The following ARHGEF10L variants were observed in gnomAD, a reference collection of about 807,000 sequenced individuals.
The protein encoded by ARHGEF10L is Rho guanine nucleotide exchange factor 10 like.
A neutral mutation model predicts 141.2 loss-of-function variants in ARHGEF10L; 69 were observed. The observed-to-expected ratio is 0.49, with a 90% CI of 0.40 to 0.60. ARHGEF10L has a LOEUF of 0.60. Among genes scored for constraint, ARHGEF10L ranks in the 20% least tolerant of loss-of-function variants. The pLI is 0.00. For missense variants in ARHGEF10L, 1,482 were observed against 1,734.3 expected (o/e 0.85, Z 2.58); for synonymous variants, 711 against 718.5 (o/e 0.99, Z 0.17).
At chr1:17,520,213 G>A in the ARHGEF10L span, among the ~76,000 whole-genome samples, 1 of 152,136 alleles carries the variant, frequency 6.6e-6, no homozygotes, top group Non-Finnish European at 1.5e-5. Context: ...GCTTTTCCTC[G>A]TGGACTGCCA....
chr1:17,539,688 GGGCGGCGCCGCGTCGCGCACGGCGGC>G (rs2076642662), exon 1 of ARHGEF10L: 1 of 146,908 alleles, frequency 6.8e-6, no homozygotes, highest in South Asian at 2.0e-4. This position sits in a 1 kb window ranked among gnomAD's most constrained non-coding sequence, Gnocchi z 6.0. Context: ...GGGCGGGCGG[GGGCGGCGCCGCGTCGCGCACGGCGGC>G]GGCGGCGGGA....
chr1:17,656,159 G>T lies in ARHGEF10L; in HGVS notation c.2705+57G>T. 1 of 1,521,104 alleles carries T rather than the reference G, an allele frequency of 6.6e-7. No homozygotes were observed. The highest frequency in any genetic ancestry group is 8.9e-7 in the Non-Finnish European group (1 of 1,125,056). 94.2% of individuals were successfully genotyped at this position (1,521,104 alleles called of 1,614,324 possible). On this transcript the variant is annotated intron_variant, in intron 24 of 28. Coordinates refer to ENST00000361221, the MANE Select transcript of ARHGEF10L (RefSeq NM_018125.4). The surrounding 1 kb of genome is among the most constrained non-coding windows in gnomAD (Gnocchi z 4.9). Reference sequence around the variant, plus strand: ...CCTCTGCAGGGCTGGGCAGTGGGTGGGGGCTGTCCCTGTAGCCTTCCGGAT... The same window carrying T: ...CCTCTGCAGGGCTGGGCAGTGGGTGTGGGCTGTCCCTGTAGCCTTCCGGAT...
intron 1 of ARHGEF10L, among the ~76,000 whole-genome samples, chr1:17,554,250 G>T (rs2077219150): frequency 6.6e-6 from 1 of 152,090 alleles, no homozygotes; most frequent in Admixed American, 6.6e-5. Flanking sequence ...GGGCTGGGCA[G>T]GGAGGAACAG....
chr1:17,581,309 C>CAAAAAAAAAA (rs71014975), intron 2 of ARHGEF10L, among the ~76,000 whole-genome samples: 9 of 69,272 alleles, frequency 1.3e-4, no homozygotes, highest in East Asian at 5.2e-4. Flanking sequence ...AAGACTGTCT[C>CAAAAAAAAAA]AAAAAAAAAA....
the ARHGEF10L span, among the ~76,000 whole-genome samples, chr1:17,517,836 A>G: frequency 1.3e-5 from 2 of 151,874 alleles, no homozygotes; most frequent in Admixed American, 6.6e-5. Context: ...AATTTTTTGT[A>G]TTTTTAGTAG....
At chr1:17,533,307 G>C in the ARHGEF10L span, among the ~76,000 whole-genome samples, 3 of 152,322 alleles carry the variant, frequency 2.0e-5, no homozygotes, top group East Asian at 5.8e-4. Context: ...GGTGTTTAGA[G>C]AGTGCTATTA....
At chr1:17,680,382 T>C (rs953984005) in intron 26 of ARHGEF10L, among the ~76,000 whole-genome samples, 5 of 152,222 alleles carry the variant, frequency 3.3e-5, no homozygotes, top group Non-Finnish European at 7.3e-5. Context: ...ATGGAAACCA[T>C]GCACAGAAGC....
intron 1 of ARHGEF10L, among the ~76,000 whole-genome samples, chr1:17,549,189 A>C (rs1349970838): frequency 2.0e-5 from 3 of 150,780 alleles, no homozygotes; most frequent in Non-Finnish European, 4.4e-5. Flanking sequence ...TACCTGGCTA[A>C]GTTTTGTATT....
At chr1:17,569,768 C>G (rs777530924) in intron 1 of ARHGEF10L, among the ~76,000 whole-genome samples, 1 of 152,240 alleles carries the variant, frequency 6.6e-6, no homozygotes, top group African/African-American at 2.4e-5. Context: ...ATGTGCCTGC[C>G]TGGTGACGGT....
chr1:17,646,847 G>A (rs1457356874), intron 21 of ARHGEF10L, among the ~76,000 whole-genome samples: 2 of 152,004 alleles, frequency 1.3e-5, no homozygotes, highest in African/African-American at 2.4e-5. Context: ...GCCAGTGGCC[G>A]AGGGAGGAGG....
intron 4 of ARHGEF10L, among the ~76,000 whole-genome samples, chr1:17,590,816 G>A (rs1207480473): frequency 6.6e-6 from 1 of 152,124 alleles, no homozygotes; most frequent in African/African-American, 2.4e-5. Context: ...GTGAAACCCC[G>A]TCTCTACAGA....
intron 15 of ARHGEF10L, among the ~76,000 whole-genome samples, chr1:17,630,674 C>A (rs567869902): frequency 1.1e-3 from 167 of 152,290 alleles, no homozygotes; most frequent in African/African-American, 3.9e-3. Flanking sequence ...GTCACTTTAC[C>A]CCTGGAATCT....
intron 1 of ARHGEF10L, among the ~76,000 whole-genome samples, chr1:17,543,228 A>G (rs1250482697): frequency 6.6e-6 from 1 of 152,184 alleles, no homozygotes; most frequent in Non-Finnish European, 1.5e-5. Flanking sequence ...ACACCTACAC[A>G]TAAGAGCTGA....
At position 17,607,998 on chromosome 1, in the gene ARHGEF10L, G is replaced by A. The variant is rs1337376730; in HGVS notation, c.609+21G>A. 10 of 1,231,790 alleles carry A rather than the reference G, an allele frequency of 8.1e-6. No individual in the cohort carries two copies. In the Admixed American group the frequency reaches 2.4e-4, roughly 29 times the overall value. The allele number at this position is 1,231,790 out of a possible 1,614,324, so 76.3% of individuals were successfully genotyped here. ...CCAAGGTGAGGGGACCGGGGGTGTC[G>A]CTCACCTCAGTCAGGGCACGGAGAC... On this transcript the variant is annotated intron_variant, in intron 7 of 28. Coordinates refer to ENST00000361221, the MANE Select transcript of ARHGEF10L (RefSeq NM_018125.4). The surrounding 1 kb of genome is among the most constrained non-coding windows in gnomAD (Gnocchi z 4.5).
chr1:17,613,404 C>G (rs1432503441), intron 8 of ARHGEF10L, among the ~76,000 whole-genome samples: 1 of 152,212 alleles, frequency 6.6e-6, no homozygotes, highest in African/African-American at 2.4e-5. Context: ...TTCTCCCCAC[C>G]TGCAAGTGAA....
intron 9 of ARHGEF10L, chr1:17,618,453 C>G: frequency 6.7e-7 from 1 of 1,493,522 alleles, no homozygotes; most frequent in South Asian, 1.3e-5. Context: ...GCAGGAGGGT[C>G]TGCACCACCC....
At chr1:17,618,253 GCCCT>G in intron 9 of ARHGEF10L, 4 of 1,356,202 alleles carry the variant, frequency 2.9e-6, no homozygotes, top group East Asian at 3.0e-5. Context: ...GCTCTCCTCA[GCCCT>G]CCCCACCCCG....
chr1:17,522,204 T>C, the ARHGEF10L span, among the ~76,000 whole-genome samples: 4 of 152,194 alleles, frequency 2.6e-5, no homozygotes, highest in Non-Finnish European at 5.9e-5. Context: ...TTTGGCCTCC[T>C]GGAGTGGCAC....
In ARHGEF10L at chr1:17,656,626, T is replaced by G; in HGVS notation, c.2778T>G (p.Pro926=). Residue 926 remains proline, a synonymous_variant, in exon 25 of 29, where the codon CCT becomes CCG. Transcript: ENST00000361221. This position sits in a 1 kb window ranked among gnomAD's most constrained non-coding sequence, Gnocchi z 4.9. ...GCTGCAGGAGCCCAGGTCTGCAGCC[T>G]GTGCTCTGCCTGCGACACAGCCCCT... is the stretch of plus-strand genomic sequence containing the variant. The part of the protein sequence containing the change: ...LVSCRSPGLQ[P]VLCLRHSPFH... 1 of 1,613,664 alleles carries G rather than the reference T, an allele frequency of 6.2e-7. No individual in the cohort carries two copies. Among genetic ancestry groups the G allele is most frequent in the Non-Finnish European group, 8.5e-7 (1 of 1,180,012 alleles).
Sources: gnomAD v4.1 joint callset for allele counts (sites outside exome capture counted in the v4.1 genomes callset) on GRCh38, gnomAD v4.1.1 for gene constraint, Gnocchi (gnomAD v3.1) non-coding constraint, MANE v1.5 for transcripts, NCBI Gene and HGNC (gene_info 2026-07-23, HGNC 2026-07-21) for gene names.